Variants in MYO10 observed in about 807,000 individuals in gnomAD.
The protein encoded by MYO10 is unconventional myosin-X.
In MYO10, 133 loss-of-function variants were observed where a neutral mutation model predicts 257.3. That is an observed-to-expected ratio of 0.52 (90% CI 0.45 to 0.60). MYO10 has a LOEUF of 0.60. Among genes scored for constraint, MYO10 ranks in the 20% least tolerant of loss-of-function variants. The pLI is 0.00. For synonymous variants in MYO10, 1,104 were observed against 1,028.6 expected (o/e 1.07, Z -1.40); for missense variants, 2,399 against 2,635.7 (o/e 0.91, Z 1.97).
chr5:16,728,566 C>A (rs1044823132), intron 19 of MYO10, among the ~76,000 whole-genome samples: 1 of 150,760 alleles, frequency 6.6e-6, no homozygotes, highest in Non-Finnish European at 1.5e-5. Context: ...AAAAGTTAAA[C>A]GGCATATAAT....
chr5:16,878,543 T>G (rs1188307417), intron 1 of MYO10, among the ~76,000 whole-genome samples: 1 of 152,250 alleles, frequency 6.6e-6, no homozygotes, highest in East Asian at 1.9e-4. Flanking sequence ...CAATTTCATC[T>G]TCCTTTGATT....
At chr5:16,928,630 G>C (rs189845749) in intron 1 of MYO10, among the ~76,000 whole-genome samples, 18 of 151,988 alleles carry the variant, frequency 1.2e-4, no homozygotes, top group African/African-American at 3.6e-4. Context: ...TGGATCACAA[G>C]GTCTGGAAAT....
Position 16,874,893 on chromosome 5 carries a change from T to C in MYO10, c.120+2716A>G, listed in dbSNP as rs545208506. ...AACTGGGAAGAAAATGAGGTTTAAT[T>C]GGACTTACAGTTCCACATGGCTTGG... On this transcript the variant is annotated intron_variant, in intron 2 of 40. Transcript: ENST00000513610. Among the ~76,000 whole-genome samples, 4 of 152,282 alleles carry C rather than the reference T, an allele frequency of 2.6e-5. No homozygotes were observed. In the East Asian group the frequency reaches 7.7e-4, roughly 29 times the overall value.
At chr5:16,681,799 G>A in intron 31 of MYO10, 72 bp downstream of exon 31, 7 of 1,477,384 alleles carry the variant, frequency 4.7e-6, no homozygotes, top group Non-Finnish European at 6.4e-6. Context: ...AAATGAAAAT[G>A]CTGCAGATGT....
In MYO10 at chr5:16,668,408, C is replaced by T. The variant is rs186433188; in HGVS notation, c.5944G>A (p.Val1982Ile). 6.6e-5 allele frequency: 106 copies of T among 1,613,776 alleles called. No homozygotes were observed. The Middle Eastern group carries it at 3.6e-3, about 55-fold the overall frequency. Residue 1982 changes from valine to isoleucine, a missense_variant, in exon 40 of 41, where the codon GTC (valine) becomes ATC (isoleucine). By Grantham distance (29) the Val-to-Ile change is conservative. Transcript: ENST00000513610. ...GGTCTTCCCTCTCCACGCTTGTAGA[C>T]GGAGACGGCGTCCGCGCTGACACCC... ...WLGVSADAVS[V>I]YKRGEGRPLE...
At chr5:16,863,179 G>C (rs974680713) in intron 2 of MYO10, among the ~76,000 whole-genome samples, 2 of 152,172 alleles carry the variant, frequency 1.3e-5, no homozygotes, top group Non-Finnish European at 2.9e-5. Context: ...CCAGGGCACA[G>C]GCCATTTGCT....
chr5:16,769,617 G>A (rs1302507756), intron 9 of MYO10, among the ~76,000 whole-genome samples: 2 of 152,182 alleles, frequency 1.3e-5, no homozygotes, highest in African/African-American at 4.8e-5. Context: ...TGGGATTACA[G>A]GCGTGAGCCA....
Position 16,934,459 on chromosome 5 carries a change from C to A in MYO10, c.21+1329G>T, listed in dbSNP as rs559978833. On this transcript the variant is annotated intron_variant, in intron 1 of 40. Transcript: ENST00000513610. ...TTAAACACCGGAACTCACTGTAGCC[C>A]GAGGGTCCTTTACCACTGGACAACG... 1.5e-3 allele frequency among the ~76,000 whole-genome samples: 235 copies of A among 152,348 alleles called. 1 individual carries two copies. The highest frequency in any genetic ancestry group is 5.4e-3 in the African/African-American group (225 of 41,578).
At position 16,783,438 on chromosome 5, in the gene MYO10, T is replaced by C. The variant is rs755698190; in HGVS notation, c.499A>G (p.Thr167Ala). 6.2e-7 allele frequency: 1 copy of C among 1,611,390 alleles called. No homozygotes were observed. Among genetic ancestry groups the C allele is most frequent in the Non-Finnish European group, 8.5e-7 (1 of 1,178,970 alleles). The part of the protein sequence containing the change: ...GESGAGKTES[T>A]KLILKFLSVI... The stretch of plus-strand genomic sequence containing the variant: ...GACAGAAACTTGAGGATCAATTTAG[T>C]GCTTTCGGTTTTACCTGCCCCACTT... Residue 167 changes from threonine (T) to alanine (A), a missense_variant, in exon 5 of 41, where the codon ACT (threonine) becomes GCT (alanine). Coordinates refer to ENST00000513610, the MANE Select transcript of MYO10 (RefSeq NM_012334.3).
chr5:16,836,218 T>C (rs1416300163), intron 2 of MYO10, among the ~76,000 whole-genome samples: 1 of 152,238 alleles, frequency 6.6e-6, no homozygotes, highest in East Asian at 1.9e-4. Flanking sequence ...TCTTATCTAT[T>C]CAAATTTGCA....
rs1738038583 is a variant in MYO10 at position 16,701,176 on chromosome 5, G to A, written c.3219C>T (p.Tyr1073=). ...LHNSSSGEST[Y]CMPQNAGDLP... ...AGTCCCCAGCGTTCTGGGGCATGCA[G>A]TAGGTGGACTCGCCGCTGGAGGAGT... is the stretch of plus-strand genomic sequence containing the variant. Residue 1073 remains tyrosine (Y), a synonymous_variant, in exon 25 of 41, where the codon TAC becomes TAT. Coordinates refer to ENST00000513610, the MANE Select transcript of MYO10 (RefSeq NM_012334.3). This position sits in a 1 kb window ranked among gnomAD's most constrained non-coding sequence, Gnocchi z 8.1. 6.2e-7 allele frequency: 1 copy of A among 1,607,536 alleles called. No homozygotes were observed. Among genetic ancestry groups the A allele is most frequent in the South Asian group, 1.1e-5 (1 of 89,672 alleles).
intron 1 of MYO10, among the ~76,000 whole-genome samples, chr5:16,896,440 A>G (rs1369084656): frequency 1.3e-5 from 2 of 152,118 alleles, no homozygotes; most frequent in Non-Finnish European, 2.9e-5. Context: ...TACTAAAAAT[A>G]CAAAAATTAG....
At chr5:16,732,682 A>G (rs13356962) in intron 19 of MYO10, among the ~76,000 whole-genome samples, 40,346 of 152,052 alleles carry the variant, frequency 0.27, 5,946 homozygotes, top group African/African-American at 0.38. Flanking sequence ...ATGTCCACGC[A>G]GTGAGGACTG....
At chr5:16,695,340 TAAAC>T (rs1737695631) in intron 26 of MYO10, among the ~76,000 whole-genome samples, 2 of 152,086 alleles carry the variant, frequency 1.3e-5, no homozygotes, top group South Asian at 2.1e-4. Flanking sequence ...TCTCAAAAAA[TAAAC>T]AAAGTTTACC....
chr5:16,732,832 T>C (rs1379118983), intron 19 of MYO10, among the ~76,000 whole-genome samples: 1 of 152,194 alleles, frequency 6.6e-6, no homozygotes, highest in Non-Finnish European at 1.5e-5. Flanking sequence ...TTTATAATGC[T>C]GCATTAACGG....
intron 4 of MYO10, 21 bp from the exon 5 acceptor site, chr5:16,783,490 G>T: frequency 6.2e-7 from 1 of 1,602,684 alleles, no homozygotes. Flanking sequence ...AAACGGAAAA[G>T]TTTGTGCTTC....
chr5:16,716,998 T>C (rs564386192), intron 19 of MYO10, among the ~76,000 whole-genome samples: 6 of 152,226 alleles, frequency 3.9e-5, no homozygotes, highest in Admixed American at 3.9e-4. Flanking sequence ...TCACCACACC[T>C]GGCTAATTTT....
At chr5:16,718,550 C>T (rs1486964485) in intron 19 of MYO10, among the ~76,000 whole-genome samples, 1 of 151,916 alleles carries the variant, frequency 6.6e-6, no homozygotes, top group African/African-American at 2.4e-5. Flanking sequence ...CTGGTGAGGA[C>T]GTGGAGAACC....
chr5:16,771,578 T>TTA (rs1373293983), intron 9 of MYO10, among the ~76,000 whole-genome samples: 1 of 147,532 alleles, frequency 6.8e-6, no homozygotes, highest in Non-Finnish European at 1.5e-5. Context: ...ATTATTATTA[T>TTA]TATTATTATT....
Sources: gnomAD v4.1 joint callset for allele counts (sites outside exome capture counted in the v4.1 genomes callset) on GRCh38, gnomAD v4.1.1 for gene constraint, Gnocchi (gnomAD v3.1) non-coding constraint, MANE v1.5 for transcripts, NCBI Gene and HGNC (gene_info 2026-07-23, HGNC 2026-07-21) for gene names.